Variants in ADGRL3 observed in about 807,000 individuals in gnomAD.
ADGRL3 encodes calcium-independent alpha-latrotoxin receptor 3.
A neutral mutation model predicts 153.5 loss-of-function variants in ADGRL3; 62 were observed. The ratio of observed to expected loss-of-function variants is 0.40; its 90% CI spans 0.33 to 0.50. The LOEUF (loss-of-function observed/expected upper bound fraction) is 0.50. ADGRL3 is among the 20% of genes least tolerant of loss of function. The pLI is 0.47. For synonymous variants in ADGRL3, 710 were observed against 672.5 expected (o/e 1.06, Z -0.86); for missense variants, 1,641 against 1,859.4 (o/e 0.88, Z 2.16).
chr4:62,026,733 A>C (rs1360628137), intron 21 of ADGRL3, among the ~76,000 whole-genome samples: 1 of 152,034 alleles, frequency 6.6e-6, no homozygotes, highest in African/African-American at 2.4e-5. Context: ...CATAAGGTAC[A>C]TGAGGGCTAT....
At chr4:61,882,901 T>A (rs6822667) in intron 9 of ADGRL3, among the ~76,000 whole-genome samples, 14,663 of 152,136 alleles carry the variant, frequency 0.096, 820 homozygotes, top group Non-Finnish European at 0.11. Flanking sequence ...GGTCAGGAGT[T>A]CAAGACCAGC....
chr4:61,792,336 C>T (rs1357171776), intron 8 of ADGRL3, among the ~76,000 whole-genome samples: 2 of 152,148 alleles, frequency 1.3e-5, no homozygotes, highest in African/African-American at 2.4e-5. Flanking sequence ...CAAGAGTCAC[C>T]TTTGCTCCAA....
chr4:61,267,274 G>T (rs2149712872), intron 1 of ADGRL3, among the ~76,000 whole-genome samples: 1 of 151,746 alleles, frequency 6.6e-6, no homozygotes, highest in South Asian at 2.1e-4. Context: ...TTCAAGGAAG[G>T]TCATAGCTGC....
intron 9 of ADGRL3, among the ~76,000 whole-genome samples, chr4:61,869,448 A>G (rs1054974271): frequency 1.3e-5 from 2 of 150,042 alleles, no homozygotes; most frequent in South Asian, 2.1e-4. Flanking sequence ...AATACAAAAA[A>G]TTAGCCGGGC....
At chr4:61,968,306 TA>T (rs1291444551) in intron 17 of ADGRL3, among the ~76,000 whole-genome samples, 1 of 152,136 alleles carries the variant, frequency 6.6e-6, no homozygotes, top group Non-Finnish European at 1.5e-5. Context: ...CTTTTTGTCC[TA>T]AACTACACAG....
intron 8 of ADGRL3, among the ~76,000 whole-genome samples, chr4:61,793,402 G>A (rs1046347389): frequency 1.3e-5 from 2 of 152,108 alleles, no homozygotes; most frequent in Non-Finnish European, 1.5e-5. Flanking sequence ...CAGCCTGGGC[G>A]ACAGAGCGAG....
At chr4:61,466,596 G>A (rs1398176885) in intron 2 of ADGRL3, among the ~76,000 whole-genome samples, 2 of 152,104 alleles carry the variant, frequency 1.3e-5, no homozygotes, top group Admixed American at 6.6e-5. Flanking sequence ...ATATCGTCAG[G>A]AGATTGTAAG....
intron 2 of ADGRL3, among the ~76,000 whole-genome samples, chr4:61,412,734 A>G (rs1388269208): frequency 6.6e-6 from 1 of 151,966 alleles, no homozygotes; most frequent in Non-Finnish European, 1.5e-5. Flanking sequence ...TTGTTTTAAT[A>G]TAGGTTATTG....
In ADGRL3 at chr4:61,692,448, T is replaced by A. The variant is rs969311670; in HGVS notation, c.583+15513T>A. Among the ~76,000 whole-genome samples, 80 of 151,126 alleles carry A rather than the reference T, an allele frequency of 5.3e-4. 1 individual carries two copies. Among genetic ancestry groups the A allele is most frequent in the Non-Finnish European group, 4.9e-4 (33 of 67,700 alleles). Reference sequence around the variant, plus strand: ...AGTCTCTTTCTCTCTCTTCCTATTTTTTTTTTTTTTTTGAGACAGTGTCTT... The same window carrying A: ...AGTCTCTTTCTCTCTCTTCCTATTTATTTTTTTTTTTTGAGACAGTGTCTT... On this transcript the variant is annotated intron_variant, in intron 6 of 26. Transcript: ENST00000683033.
At chr4:61,279,068 A>G (rs2093611086) in intron 1 of ADGRL3, among the ~76,000 whole-genome samples, 1 of 152,192 alleles carries the variant, frequency 6.6e-6, no homozygotes, top group Non-Finnish European at 1.5e-5. Context: ...AAAGAAAAAT[A>G]TTTCAGACTC....
At chr4:61,712,560 G>T (rs1464895641) in intron 6 of ADGRL3, among the ~76,000 whole-genome samples, 15 of 152,074 alleles carry the variant, frequency 9.9e-5, no homozygotes, top group Admixed American at 9.2e-4. Flanking sequence ...ATCAGAAGTT[G>T]TATGTAAAGT....
chr4:61,955,943 G>A (rs1452384951), intron 17 of ADGRL3, among the ~76,000 whole-genome samples: 2 of 152,036 alleles, frequency 1.3e-5, no homozygotes, highest in Non-Finnish European at 2.9e-5. Context: ...TCATTGGTGG[G>A]CAATTGGTTT....
chr4:61,396,438 A>G (rs780647371), intron 2 of ADGRL3, among the ~76,000 whole-genome samples: 4 of 151,974 alleles, frequency 2.6e-5, no homozygotes, highest in Non-Finnish European at 5.9e-5. Context: ...TTATAGGAAT[A>G]TACATATCAA....
chr4:61,676,991 G>A, intron 6 of ADGRL3, 56 bp downstream of exon 6: 1 of 1,070,090 alleles, frequency 9.3e-7, no homozygotes, highest in Admixed American at 1.9e-5. Context: ...ACTGTGTTTT[G>A]CATGCATTGA....
intron 8 of ADGRL3, among the ~76,000 whole-genome samples, chr4:61,808,382 A>G (rs957051955): frequency 2.6e-5 from 4 of 152,148 alleles, no homozygotes; most frequent in Non-Finnish European, 4.4e-5. Context: ...GCCCATCAGT[A>G]ACCTTTGCAC....
intron 5 of ADGRL3, among the ~76,000 whole-genome samples, chr4:61,664,718 CAT>C (rs986939936): frequency 5.3e-5 from 8 of 152,076 alleles, no homozygotes; most frequent in Non-Finnish European, 1.0e-4. Context: ...AGTCTGAAAA[CAT>C]ATTTTTTATA....
chr4:61,485,724 A>G (rs774772144), intron 2 of ADGRL3, among the ~76,000 whole-genome samples: 1 of 152,162 alleles, frequency 6.6e-6, no homozygotes, highest in Non-Finnish European at 1.5e-5. Flanking sequence ...TACTACCTCA[A>G]TTCTTACAAC....
chr4:61,709,447 TATA>T (rs1276014271), intron 6 of ADGRL3, among the ~76,000 whole-genome samples: 2 of 152,176 alleles, frequency 1.3e-5, no homozygotes, highest in Non-Finnish European at 2.9e-5. Context: ...TCATTTTGCA[TATA>T]ATAATAAGAA....
chr4:61,347,297 T>C (rs966807650), intron 1 of ADGRL3, among the ~76,000 whole-genome samples: 2 of 149,646 alleles, frequency 1.3e-5, no homozygotes, highest in African/African-American at 2.5e-5. Flanking sequence ...GATAGAGAGG[T>C]ATATTAAATT....
Sources: gnomAD v4.1 joint callset for allele counts (sites outside exome capture counted in the v4.1 genomes callset) on GRCh38, gnomAD v4.1.1 for gene constraint, MANE v1.5 for transcripts, NCBI Gene and HGNC (gene_info 2026-07-23, HGNC 2026-07-21) for gene names.